The following UROC1 variants were observed in gnomAD, a reference collection of about 807,000 sequenced individuals.
UROC1 encodes urocanate hydratase 1.
UROC1 carries 79 observed loss-of-function variants against 89.5 expected under a neutral mutation model. The ratio of observed to expected loss-of-function variants is 0.88; its 90% confidence interval spans 0.74 to 1.06. The LOEUF is 1.06. UROC1 is among the 50% of genes least tolerant of loss of function. UROC1 has a pLI of 0.00. For missense variants in UROC1, 885 were observed against 907.8 expected, an observed-to-expected ratio of 0.97 and a Z score of 0.32; for synonymous variants, 361 against 354.8, an observed-to-expected ratio of 1.02 and a Z score of -0.20.
chr3:126,486,576 G>T (rs1052952739), intron 18 of UROC1, among the ~76,000 whole-genome samples: 2 of 152,248 alleles, frequency 1.3e-5, no homozygotes, highest in African/African-American at 2.4e-5. Context: ...CAGTGGCACA[G>T]AGGAGGCTAG....
chr3:126,517,123 C>T lies in UROC1; in HGVS notation c.126+471G>A, dbSNP rs1208204320. Among the ~76,000 whole-genome samples, 3 of 152,312 alleles carry T rather than the reference C, an allele frequency of 2.0e-5. No individual in the cohort carries two copies. The East Asian group carries it at 5.8e-4, about 30-fold the overall frequency. On this transcript the variant is annotated intron_variant, in intron 1 of 19. Coordinates refer to ENST00000290868, the MANE Select transcript of UROC1 (RefSeq NM_144639.3). ...TTGCTGTTAGATGAGGGGATACTGG[C>T]CTCAGCCCATCTTTCCCTGGCAACT...
chr3:126,510,007 A>C (rs1936160186), intron 2 of UROC1, among the ~76,000 whole-genome samples: 1 of 152,194 alleles, frequency 6.6e-6, no homozygotes, highest in Admixed American at 6.5e-5. Context: ...TTCAACAAAC[A>C]CTTTTGGGCA....
chr3:126,488,314 C>T (rs544931014), intron 17 of UROC1, 35 bp from the exon 18 acceptor site: 1 of 1,609,610 alleles, frequency 6.2e-7, no homozygotes, highest in African/African-American at 1.3e-5. Context: ...TCATCACCCC[C>T]TGCACTGGGT....
chr3:126,498,818 C>T (rs1935843491), intron 13 of UROC1, among the ~76,000 whole-genome samples: 1 of 152,150 alleles, frequency 6.6e-6, no homozygotes, highest in Admixed American at 6.5e-5. Flanking sequence ...TTCCAAAAGT[C>T]ATGTGGTCCC....
At chr3:126,484,299 C>T (rs1182099345) in intron 18 of UROC1, among the ~76,000 whole-genome samples, 1 of 152,184 alleles carries the variant, frequency 6.6e-6, no homozygotes, top group African/African-American at 2.4e-5. Context: ...CTGGGATGAC[C>T]TTCCCCATCC....
At chr3:126,484,837 A>G (rs1935475758) in intron 18 of UROC1, among the ~76,000 whole-genome samples, 1 of 152,180 alleles carries the variant, frequency 6.6e-6, no homozygotes, top group Non-Finnish European at 1.5e-5. Flanking sequence ...ATTACCATTC[A>G]TCTGTCAGAG....
chr3:126,493,947 C>T (rs1464047945), intron 15 of UROC1, among the ~76,000 whole-genome samples: 2 of 152,106 alleles, frequency 1.3e-5, no homozygotes, highest in East Asian at 1.9e-4. Context: ...CAGCTTTGGC[C>T]GGGACAATGA....
chr3:126,508,223 G>T, intron 4 of UROC1, 128 bp from the exon 5 acceptor site: 1 of 1,552,754 alleles, frequency 6.4e-7, no homozygotes, highest in East Asian at 2.3e-5. Context: ...CAGTGGCCCT[G>T]GTGCCTCCCT....
rs570780177 is a variant in UROC1 at position 126,485,594 on chromosome 3, T to A, written c.1791-2126A>T. Among the ~76,000 whole-genome samples, 320 of 114,872 alleles carry A rather than the reference T, an allele frequency of 2.8e-3. 2 individuals are homozygous for A. The highest frequency in any genetic ancestry group is 5.0e-3 in the Non-Finnish European group (242 of 48,760). 75.4% of individuals were successfully genotyped at this position (114,872 alleles called of 152,430 possible). A position where few individuals can be genotyped will look rare whatever the true frequency, so the allele number is the denominator to read the frequency against. On this transcript the variant is annotated intron_variant, in intron 18 of 19. Transcript: ENST00000290868. ...TTTTTTTCTTTGTTCCCCATTTATT[T>A]ATTTATTTTTTTTTGGTAGAGAGGG...
At chr3:126,500,206 C>T in intron 11 of UROC1, 52 bp from the exon 12 acceptor site, 12 of 1,575,698 alleles carry the variant, frequency 7.6e-6, no homozygotes, top group Non-Finnish European at 1.0e-5. Context: ...GGGGCCTCCC[C>T]AATGTGGCAC....
Position 126,498,040 on chromosome 3 carries a change from A to G in UROC1, c.1438+11T>C, listed in dbSNP as rs1935823308. 6.2e-7 allele frequency: 1 copy of G among 1,614,020 alleles called. No homozygotes were observed. Among genetic ancestry groups the G allele is most frequent in the Admixed American group, 1.7e-5 (1 of 60,034 alleles). Reference sequence around the variant, plus strand: ...CCACCCACCCATGGGCATCCCCACCAATGGCGTCACCTCCATCAGCAATGG... The same window carrying G: ...CCACCCACCCATGGGCATCCCCACCGATGGCGTCACCTCCATCAGCAATGG... On this transcript the variant is annotated intron_variant, in intron 14 of 19. Transcript: ENST00000290868.
At chr3:126,512,170 G>A (rs896471291) in intron 1 of UROC1, among the ~76,000 whole-genome samples, 8 of 152,340 alleles carry the variant, frequency 5.3e-5, no homozygotes, top group African/African-American at 1.9e-4. Flanking sequence ...CACACAGGTC[G>A]TGTGACCTGC....
At chr3:126,501,889 C>G (rs1256463167) in intron 9 of UROC1, 1 of 1,599,310 alleles carries the variant, frequency 6.3e-7, no homozygotes, top group East Asian at 2.2e-5. Flanking sequence ...GACACACAGT[C>G]CCAGGGCAGC....
chr3:126,484,521 C>T (rs1400829068), intron 18 of UROC1, among the ~76,000 whole-genome samples: 1 of 152,156 alleles, frequency 6.6e-6, no homozygotes, highest in African/African-American at 2.4e-5. Context: ...TCTAGTTTCC[C>T]TTGTCTCAAA....
chr3:126,507,737 C>T lies in UROC1; in HGVS notation c.602+5G>A. The T allele has an allele frequency of 6.2e-7, 1 of 1,614,102 alleles. No individual in the cohort carries two copies. The highest frequency in any genetic ancestry group is 2.2e-5 in the East Asian group (1 of 44,878). ...CGGTGTAAACAGACTGAAATAGTGACTTACATTGTAACCCCCAAGGCAAAG... is the reference window on the plus strand; with the variant it reads ...CGGTGTAAACAGACTGAAATAGTGATTTACATTGTAACCCCCAAGGCAAAG... On this transcript the variant is annotated splice_donor_5th_base_variant and intron_variant, in intron 6 of 19. Transcript: ENST00000290868.
intron 9 of UROC1, chr3:126,501,957 AC>A (rs746185038): frequency 1.9e-6 from 3 of 1,585,086 alleles, no homozygotes; most frequent in South Asian, 1.1e-5. Context: ...CCCTGTGGGA[AC>A]CGTGAGCAGA....
In UROC1 at chr3:126,483,284, G is replaced by A. The variant is rs1935431892; in HGVS notation, c.1890+85C>T. 57 of 1,239,104 alleles carry A rather than the reference G, an allele frequency of 4.6e-5. 1 individual carries two copies. In the South Asian group the frequency reaches 6.9e-4, roughly 15 times the overall value. The allele number at this position is 1,239,104 out of a possible 1,614,324, so 76.8% of individuals were successfully genotyped here. Reference sequence around the variant, plus strand: ...CCGGCCCCCATCCCCACACCCAGGAGATGCTGTATGACAGCAAACGTGGAT... The same window carrying A: ...CCGGCCCCCATCCCCACACCCAGGAAATGCTGTATGACAGCAAACGTGGAT... On this transcript the variant is annotated intron_variant, in intron 19 of 19. Transcript: ENST00000290868.
At chr3:126,495,521 A>G (rs1398753020) in intron 15 of UROC1, among the ~76,000 whole-genome samples, 1 of 152,188 alleles carries the variant, frequency 6.6e-6, no homozygotes, top group Non-Finnish European at 1.5e-5. Flanking sequence ...TCTCATGGTT[A>G]ACCCACACTT....
Position 126,510,798 on chromosome 3 carries a change from G to C in UROC1, c.127-4C>G. The C allele has an allele frequency of 6.2e-7, 1 of 1,612,556 alleles. No individual in the cohort carries two copies. Among genetic ancestry groups the C allele is most frequent in the Non-Finnish European group, 8.5e-7 (1 of 1,179,876 alleles). On this transcript the variant is annotated splice_polypyrimidine_tract_variant and splice_region_variant and intron_variant, in intron 1 of 19. Coordinates refer to ENST00000290868, the MANE Select transcript of UROC1 (RefSeq NM_144639.3). The stretch of plus-strand genomic sequence containing the variant: ...GCAGGGCGTTCCTCAGCGCCAGCTG[G>C]GGTAGGAGAGCGGAGAGGCAGTCGG...
Sources: allele counts gnomAD v4.1 joint callset (sites outside exome capture counted in the v4.1 genomes callset), GRCh38; gene constraint gnomAD v4.1.1; transcripts MANE v1.5; gene names NCBI Gene and HGNC (gene_info 2026-07-23, HGNC 2026-07-21).